The following HNRNPUL1 variants were observed in gnomAD, a reference collection of about 807,000 sequenced individuals.
HNRNPUL1 encodes the protein heterogeneous nuclear ribonucleoprotein U-like protein 1.
HNRNPUL1 carries 14 observed loss-of-function variants against 108.5 expected under a neutral mutation model. That is an observed-to-expected ratio of 0.13 (90% CI 0.09 to 0.20). The LOEUF is 0.20. Among genes scored for constraint, HNRNPUL1 ranks in the 10% least tolerant of loss-of-function variants. The probability of loss-of-function intolerance (pLI) is 1.00; values close to 1 mark genes in which losing one functional copy is unlikely to be tolerated. For synonymous variants in HNRNPUL1, 422 were observed against 445.2 expected (o/e 0.95, Z 0.66); for missense variants, 804 against 1,168.3 (o/e 0.69, Z 4.55).
intron 14 of HNRNPUL1, among the ~76,000 whole-genome samples, chr19:41,306,214 T>C (rs1158386234): frequency 3.3e-5 from 5 of 152,178 alleles, no homozygotes; most frequent in African/African-American, 1.2e-4. Context: ...GACTATGATA[T>C]CTAGCTATAC....
At chr19:41,271,385 A>C (rs2035228466) in intron 2 of HNRNPUL1, among the ~76,000 whole-genome samples, 1 of 152,206 alleles carries the variant, frequency 6.6e-6, no homozygotes, top group South Asian at 2.1e-4. Flanking sequence ...AGGATGGCTG[A>C]GCACCATCCC....
intron 3 of HNRNPUL1, 160 bp downstream of exon 3, chr19:41,272,395 G>C (rs1455927411): frequency 4.0e-6 from 3 of 746,674 alleles, no homozygotes; most frequent in African/African-American, 3.5e-5. Context: ...ACCAGATTCA[G>C]CTTTCCTAAA....
At chr19:41,291,992 A>AC in intron 7 of HNRNPUL1, 9 of 409,034 alleles carry the variant, frequency 2.2e-5, no homozygotes, top group South Asian at 2.7e-5. Flanking sequence ...AAAAAAAAAA[A>AC]ACAAAAAAAA....
At chr19:41,300,519 G>T (rs1323680561) in intron 10 of HNRNPUL1, among the ~76,000 whole-genome samples, 1 of 152,104 alleles carries the variant, frequency 6.6e-6, no homozygotes, top group African/African-American at 2.4e-5. Context: ...ACTTCTAGAG[G>T]TTCAGGCTCA....
In HNRNPUL1 at chr19:41,300,983, A is replaced by C. The variant is rs563898769; in HGVS notation, c.1519-553A>C. Among the ~76,000 whole-genome samples, 6 of 152,366 alleles carry C rather than the reference A, an allele frequency of 3.9e-5. No homozygotes were observed. In the South Asian group the frequency reaches 1.2e-3, roughly 32 times the overall value. On this transcript the variant is annotated intron_variant, in intron 10 of 14. Transcript: ENST00000392006. ...GCTAATCTATAGGTATTACACAGCCATTAAAAAAGAATACTGCACAGAAAA... is the reference window on the plus strand; with the variant it reads ...GCTAATCTATAGGTATTACACAGCCCTTAAAAAAGAATACTGCACAGAAAA...
At chr19:41,285,053 C>CATTATAT (rs2036143889) in intron 7 of HNRNPUL1, among the ~76,000 whole-genome samples, 1 of 150,320 alleles carries the variant, frequency 6.7e-6, no homozygotes, top group South Asian at 2.1e-4. Context: ...AAAGTGAAGT[C>CATTATAT]ATTATATATG....
chr19:41,295,539 C>T (rs2036843349), intron 10 of HNRNPUL1, among the ~76,000 whole-genome samples: 1 of 152,218 alleles, frequency 6.6e-6, no homozygotes, highest in African/African-American at 2.4e-5. Flanking sequence ...AAGGCTTTCA[C>T]AAGTAACAAA....
At chr19:41,276,638 T>A (rs762479094) in intron 5 of HNRNPUL1, 2 of 183,300 alleles carry the variant, frequency 1.1e-5, no homozygotes, top group Non-Finnish European at 2.3e-5. Flanking sequence ...TAGACTCAGA[T>A]GTCACTTATT....
chr19:41,269,264 C>A (rs1199007211), intron 2 of HNRNPUL1, among the ~76,000 whole-genome samples: 1 of 151,716 alleles, frequency 6.6e-6, no homozygotes, highest in African/African-American at 2.4e-5. Flanking sequence ...CCAGGAGTTC[C>A]AGACCAGACT....
chr19:41,283,158 A>G (rs977343973), intron 7 of HNRNPUL1, among the ~76,000 whole-genome samples: 4 of 152,368 alleles, frequency 2.6e-5, no homozygotes, highest in East Asian at 1.9e-4. Flanking sequence ...CTAGCATAAA[A>G]TATCCACAAA....
At chr19:41,305,199 T>C (rs970956732) in intron 13 of HNRNPUL1, among the ~76,000 whole-genome samples, 2 of 152,092 alleles carry the variant, frequency 1.3e-5, no homozygotes, top group Non-Finnish European at 2.9e-5. Context: ...TATATGGAGA[T>C]TATATGATGT....
At chr19:41,268,454 G>C in intron 2 of HNRNPUL1, 109 bp downstream of exon 2, 1 of 1,191,726 alleles carries the variant, frequency 8.4e-7, no homozygotes, top group Admixed American at 2.7e-5. Context: ...CTTTTTTCTT[G>C]GGCAGTTCAT....
intron 7 of HNRNPUL1, among the ~76,000 whole-genome samples, chr19:41,282,969 C>G (rs924433316): frequency 2.0e-5 from 3 of 152,134 alleles, no homozygotes; most frequent in Non-Finnish European, 4.4e-5. Flanking sequence ...GCTGGGATTA[C>G]AGGCGTGAGC....
intron 10 of HNRNPUL1, among the ~76,000 whole-genome samples, chr19:41,295,997 C>T (rs577887996): frequency 1.3e-5 from 2 of 152,286 alleles, no homozygotes; most frequent in African/African-American, 2.4e-5. Context: ...TCCTCCTTGT[C>T]GGGGCATTCA....
chr19:41,305,694 C>T lies in HNRNPUL1; in HGVS notation c.2281C>T (p.Pro761Ser). The T allele has an allele frequency of 1.2e-6, 2 of 1,614,162 alleles. No homozygotes were observed. Among genetic ancestry groups the T allele is most frequent in the Non-Finnish European group, 1.7e-6 (2 of 1,180,018 alleles). ...SPPQPSYSQP[P>S]YNQGGYSQGY... is the part of the protein sequence containing the mutation. ...TTTCCAGCCGAGTTACAGCCAGCCACCCTACAACCAGGGAGGTTACAGCCA... is the reference window on the plus strand; with the variant it reads ...TTTCCAGCCGAGTTACAGCCAGCCATCCTACAACCAGGGAGGTTACAGCCA... Residue 761 changes from proline to serine, a missense_variant, in exon 14 of 15, where the codon CCC becomes TCC. Physicochemically the swap from Pro to Ser is moderately conservative, Grantham distance 74. This residue lies in a region of HNRNPUL1 where 294 missense variants were observed against 388.3 expected (regional missense o/e 0.76). Transcript: ENST00000392006.
intron 12 of HNRNPUL1, among the ~76,000 whole-genome samples, chr19:41,303,632 A>G (rs1030905048): frequency 1.3e-5 from 2 of 151,922 alleles, no homozygotes; most frequent in Non-Finnish European, 2.9e-5. Context: ...AGGATTACAG[A>G]TGTGAGCCAC....
At chr19:41,286,622 GC>G (rs898037059) in intron 7 of HNRNPUL1, 1 of 151,032 alleles carries the variant, frequency 6.6e-6, no homozygotes, top group African/African-American at 2.4e-5. Flanking sequence ...GTGCACTACA[GC>G]CCAGAACTGG....
chr19:41,294,424 C>T lies in HNRNPUL1; in HGVS notation c.1353C>T (p.Asn451=), dbSNP rs1206086785. The T allele has an allele frequency of 1.9e-6, 3 of 1,614,070 alleles. No individual in the cohort carries two copies. The highest frequency in any genetic ancestry group is 1.7e-6 in the Non-Finnish European group (2 of 1,180,044). ...HAASNPSKKY[N]ILGTNAIMDK... ...CCTCCAACCCTTCCAAGAAGTACAACATCCTGGGTACCAATGCCATCATGG... is the reference window on the plus strand; with the variant it reads ...CCTCCAACCCTTCCAAGAAGTACAATATCCTGGGTACCAATGCCATCATGG... Residue 451 remains asparagine, a synonymous_variant, in exon 9 of 15, where the codon AAC becomes AAT. Transcript: ENST00000392006. This position sits in a 1 kb window ranked among gnomAD's most constrained non-coding sequence, Gnocchi z 4.3.
At chr19:41,300,578 C>T (rs1018806534) in intron 10 of HNRNPUL1, among the ~76,000 whole-genome samples, 5 of 152,148 alleles carry the variant, frequency 3.3e-5, no homozygotes, top group African/African-American at 1.2e-4. Context: ...GTAGTGTCCT[C>T]GTGATTCAAG....
Sources: gnomAD v4.1 joint callset for allele counts (sites outside exome capture counted in the v4.1 genomes callset) on GRCh38, gnomAD v4.1.1 for gene constraint, gnomAD v4.1.1 regional missense constraint, Gnocchi (gnomAD v3.1) non-coding constraint, MANE v1.5 for transcripts, NCBI Gene and HGNC (gene_info 2026-07-23, HGNC 2026-07-21) for gene names.